The following STK32B variants were observed in gnomAD, a reference collection of about 807,000 sequenced individuals.
The protein encoded by STK32B is serine/threonine kinase 32B.
STK32B carries 43 observed loss-of-function variants against 52.6 expected under a neutral mutation model. The ratio of observed to expected loss-of-function variants is 0.82; its 90% confidence interval spans 0.64 to 1.05. The LOEUF (loss-of-function observed/expected upper bound fraction) is 1.05, where lower values mean the gene tolerates loss of function less well. STK32B is among the 50% of genes least tolerant of loss of function. The pLI, the probability that STK32B is intolerant of heterozygous loss-of-function variation, is 0.00. For synonymous variants in STK32B, 238 were observed against 204.3 expected, an observed-to-expected ratio of 1.17 and a Z score of -1.41; for missense variants, 621 against 534.6, an observed-to-expected ratio of 1.16 and a Z score of -1.59.
In STK32B at chr4:5,456,870, C is replaced by T. The variant is rs371768913; in HGVS notation, c.730C>T (p.Arg244Cys). 21 of 1,598,302 alleles carry T rather than the reference C, an allele frequency of 1.3e-5. No homozygotes were observed. Among genetic ancestry groups the T allele is most frequent in the South Asian group, 2.3e-5 (2 of 87,372 alleles). Residue 244 changes from arginine to cysteine, a missense_variant, in exon 8 of 12, where the codon CGT becomes TGT. Coordinates refer to ENST00000282908, the MANE Select transcript of STK32B (RefSeq NM_018401.3). ...DEILNMFKVE[R>C]VHYSSTWCKG... ...AATCCTCAACATGTTCAAGGTGGAGCGTGTCCACTACTCCTCCACGTGGTG... is the reference window on the plus strand; with the variant it reads ...AATCCTCAACATGTTCAAGGTGGAGTGTGTCCACTACTCCTCCACGTGGTG...
chr4:5,461,540 C>T (rs1717024946), intron 9 of STK32B, among the ~76,000 whole-genome samples: 1 of 152,212 alleles, frequency 6.6e-6, no homozygotes, highest in Non-Finnish European at 1.5e-5. Flanking sequence ...CCCCAGCCTG[C>T]CCAGTGTTCA....
chr4:5,486,189 G>A (rs1447489881), intron 11 of STK32B, among the ~76,000 whole-genome samples: 2 of 152,178 alleles, frequency 1.3e-5, no homozygotes, highest in African/African-American at 2.4e-5. Flanking sequence ...CCCAGAGGTG[G>A]AGTCTCAGAG....
chr4:5,227,754 A>G (rs1723975389), intron 3 of STK32B, among the ~76,000 whole-genome samples: 1 of 152,230 alleles, frequency 6.6e-6, no homozygotes, highest in Non-Finnish European at 1.5e-5. Context: ...TTTGTCAGAC[A>G]GAATATTAAA....
At chr4:5,495,657 T>C (rs1244897531) in intron 11 of STK32B, among the ~76,000 whole-genome samples, 1 of 152,114 alleles carries the variant, frequency 6.6e-6, no homozygotes. Context: ...GCACTCTGCT[T>C]TTTAGAGTTT....
rs1720523156 is a variant in STK32B at position 5,499,025 on chromosome 4, A to G, written c.1187A>G (p.Gln396Arg). ...GGAGGCCAGGCCCAAAGCAAGCTCC[A>G]GGACGGGTGCAACAACAACCTCCTC... ...RGGGQAQSKL[Q>R]DGCNNNLLTH... The change falls in exon 12 of 12, where the codon CAG (glutamine) becomes CGG (arginine). Residue 396 changes from glutamine (Q) to arginine (R), a missense_variant. By Grantham distance (43) the Gln-to-Arg change is conservative. Coordinates refer to ENST00000282908, the MANE Select transcript of STK32B (RefSeq NM_018401.3). The G allele has an allele frequency of 6.2e-7, 1 of 1,613,848 alleles. No homozygotes were observed.
the STK32B span, among the ~76,000 whole-genome samples, chr4:5,022,187 T>C: frequency 6.6e-6 from 1 of 152,168 alleles, no homozygotes; most frequent in African/African-American, 2.4e-5. Flanking sequence ...CTGGCATCTG[T>C]CTCCTTTAAT....
At chr4:5,295,689 G>A (rs1192075542) in intron 3 of STK32B, among the ~76,000 whole-genome samples, 2 of 151,064 alleles carry the variant, frequency 1.3e-5, no homozygotes. Flanking sequence ...TCTGGCTAGC[G>A]GGCTATTTTG....
At chr4:5,278,078 T>C (rs928570254) in intron 3 of STK32B, among the ~76,000 whole-genome samples, 8 of 152,328 alleles carry the variant, frequency 5.3e-5, no homozygotes, top group South Asian at 2.1e-4. Flanking sequence ...ATGAGGTGAC[T>C]CAGGTGACTA....
At chr4:5,297,608 G>GT (rs1729286243) in intron 3 of STK32B, among the ~76,000 whole-genome samples, 1 of 139,444 alleles carries the variant, frequency 7.2e-6, no homozygotes, top group Non-Finnish European at 1.6e-5. Flanking sequence ...CTCGTGCTGT[G>GT]TTTTTCAGCT....
At chr4:5,117,907 T>C (rs1457828877) in intron 1 of STK32B, among the ~76,000 whole-genome samples, 1 of 152,214 alleles carries the variant, frequency 6.6e-6, no homozygotes, top group African/African-American at 2.4e-5. Flanking sequence ...ATAAATCATA[T>C]TTGATCACAG....
In STK32B at chr4:5,162,473, T is replaced by G. The variant is rs1203374011; in HGVS notation, c.109-5826T>G. Among the ~76,000 whole-genome samples the G allele has an allele frequency of 3.3e-5, 5 of 152,116 alleles. No individual in the cohort carries two copies. In the East Asian group the frequency reaches 9.6e-4, roughly 29 times the overall value. On this transcript the variant is annotated intron_variant, in intron 2 of 11. Transcript: ENST00000282908. The stretch of plus-strand genomic sequence containing the variant: ...GGTTCTCAGTATGCTCCAGCCACCT[T>G]CTCCACTGACTCAGGATCCATTCCC...
intron 11 of STK32B, among the ~76,000 whole-genome samples, chr4:5,493,873 A>G (rs1269232021): frequency 6.6e-6 from 1 of 152,218 alleles, no homozygotes; most frequent in African/African-American, 2.4e-5. Context: ...TTCAGTTTCC[A>G]TGTAGTTGAG....
At chr4:5,098,908 A>G (rs1713547880) in intron 1 of STK32B, among the ~76,000 whole-genome samples, 1 of 152,236 alleles carries the variant, frequency 6.6e-6, no homozygotes, top group Non-Finnish European at 1.5e-5. Context: ...CTGTATGGAA[A>G]GAGGGAATAT....
At chr4:5,033,726 C>T in the STK32B span, among the ~76,000 whole-genome samples, 5 of 152,250 alleles carry the variant, frequency 3.3e-5, no homozygotes, top group East Asian at 3.9e-4. Flanking sequence ...TTTACAACCG[C>T]CCTGGGAGAT....
the STK32B span, among the ~76,000 whole-genome samples, chr4:5,027,365 G>A: frequency 6.6e-6 from 1 of 152,186 alleles, no homozygotes; most frequent in African/African-American, 2.4e-5. Flanking sequence ...AGAAACAGCA[G>A]GCAGGAGGAG....
intron 2 of STK32B, among the ~76,000 whole-genome samples, chr4:5,158,416 C>T (rs796597382): frequency 6.6e-6 from 1 of 152,168 alleles, no homozygotes; most frequent in Non-Finnish European, 1.5e-5. Flanking sequence ...ACCATCACCT[C>T]TCTTTGTTCC....
At chr4:5,436,883 G>C (rs1714131443) in intron 6 of STK32B, among the ~76,000 whole-genome samples, 1 of 152,188 alleles carries the variant, frequency 6.6e-6, no homozygotes, top group African/African-American at 2.4e-5. Flanking sequence ...GGACCCTTCA[G>C]CCCTGCGATG....
intron 1 of STK32B, among the ~76,000 whole-genome samples, chr4:5,137,266 G>A (rs1017327026): frequency 6.6e-6 from 1 of 152,112 alleles, no homozygotes; most frequent in African/African-American, 2.4e-5. Context: ...GCTCAATCTG[G>A]ACCCCACAGA....
chr4:5,296,040 G>A (rs973577959), intron 3 of STK32B, among the ~76,000 whole-genome samples: 2 of 152,174 alleles, frequency 1.3e-5, no homozygotes, highest in African/African-American at 2.4e-5. Flanking sequence ...TCATTCAAGA[G>A]CAGATTGTTC....
Sources: gnomAD v4.1 joint callset for allele counts (sites outside exome capture counted in the v4.1 genomes callset) on GRCh38, gnomAD v4.1.1 for gene constraint, MANE v1.5 for transcripts, NCBI Gene and HGNC (gene_info 2026-07-23, HGNC 2026-07-21) for gene names.